The following TP63 variants were observed in gnomAD, a reference collection of about 807,000 sequenced individuals.
TP63 encodes tumor protein p63, also known as tumor protein 63.
In TP63, 17 loss-of-function variants were observed where a neutral mutation model predicts 82.8. The observed-to-expected ratio is 0.21, with a 90% CI of 0.14 to 0.31. TP63 has a LOEUF of 0.31. Ranked by LOEUF, TP63 falls within the 10% of genes least tolerant of loss-of-function variation. TP63 has a pLI of 1.00. For synonymous variants in TP63, 330 were observed against 321.7 expected (o/e 1.03, Z -0.28); for missense variants, 648 against 895.3 (o/e 0.72, Z 3.52).
intron 3 of TP63, among the ~76,000 whole-genome samples, chr3:189,788,992 G>A (rs577817289): frequency 2.7e-5 from 4 of 150,566 alleles, no homozygotes; most frequent in African/African-American, 4.9e-5. Context: ...CCTATTTCCC[G>A]TACATAATAT....
upstream of TP63, among the ~76,000 whole-genome samples, chr3:189,627,561 T>A (rs1560069327): frequency 6.6e-6 from 1 of 152,166 alleles, no homozygotes; most frequent in East Asian, 1.9e-4. Context: ...GAATAAAAAT[T>A]TAGCTCTTCA....
chr3:189,679,460 C>A (rs1393142359), intron 1 of TP63, among the ~76,000 whole-genome samples: 1 of 151,958 alleles, frequency 6.6e-6, no homozygotes. Flanking sequence ...AGGTTCTTTG[C>A]CCATTTTTAA....
At chr3:189,792,212 A>T (rs1230888311) in intron 3 of TP63, among the ~76,000 whole-genome samples, 1 of 151,916 alleles carries the variant, frequency 6.6e-6, no homozygotes, top group Admixed American at 6.6e-5. Flanking sequence ...AATGGTCCGG[A>T]AGGGAGGAGA....
chr3:189,598,652 A>G, the TP63 span, among the ~76,000 whole-genome samples: 3 of 152,228 alleles, frequency 2.0e-5, no homozygotes, highest in Admixed American at 2.0e-4. Context: ...GAAGTAAACC[A>G]CTATCTCCAG....
chr3:189,826,682 G>T (rs2108687846), intron 4 of TP63, among the ~76,000 whole-genome samples: 1 of 152,228 alleles, frequency 6.6e-6, no homozygotes, highest in South Asian at 2.1e-4. Context: ...ATAAGCTTCA[G>T]AATTACTAAC....
chr3:189,599,313 A>G, the TP63 span, among the ~76,000 whole-genome samples: 3 of 152,114 alleles, frequency 2.0e-5, no homozygotes, highest in Admixed American at 6.5e-5. Flanking sequence ...CTTGTATTCA[A>G]CTGGGCCTGG....
chr3:189,613,100 AGG>A, the TP63 span, among the ~76,000 whole-genome samples: 2 of 152,252 alleles, frequency 1.3e-5, no homozygotes, highest in African/African-American at 4.8e-5. Flanking sequence ...TTAAGTAGCA[AGG>A]AACCTAATGT....
chr3:189,857,463 A>T (rs1231819751), intron 4 of TP63, among the ~76,000 whole-genome samples: 1 of 152,164 alleles, frequency 6.6e-6, no homozygotes, highest in Non-Finnish European at 1.5e-5. Flanking sequence ...TCAGGCCAAG[A>T]TTTCTTAGGA....
At chr3:189,660,546 C>A (rs769986070) in intron 1 of TP63, among the ~76,000 whole-genome samples, 1 of 151,996 alleles carries the variant, frequency 6.6e-6, no homozygotes, top group Non-Finnish European at 1.5e-5. Flanking sequence ...AATTTTCAGG[C>A]TCTTTTTTTG....
intron 4 of TP63, among the ~76,000 whole-genome samples, chr3:189,837,425 A>G (rs961699557): frequency 2.0e-5 from 3 of 152,170 alleles, no homozygotes; most frequent in Admixed American, 6.5e-5. Context: ...TGAAATTTCC[A>G]ATTTCAGGTT....
intron 1 of TP63, among the ~76,000 whole-genome samples, chr3:189,692,361 TTA>T (rs1189300069): frequency 6.6e-6 from 1 of 152,008 alleles, no homozygotes; most frequent in African/African-American, 2.4e-5. Flanking sequence ...CATCCCTTCT[TTA>T]TTTCTTTTAC....
intron 4 of TP63, among the ~76,000 whole-genome samples, chr3:189,809,354 C>A (rs1190694526): frequency 1.3e-5 from 2 of 152,054 alleles, no homozygotes; most frequent in Non-Finnish European, 2.9e-5. Context: ...ATGGAATTTT[C>A]TTTTTCATAA....
chr3:189,772,303 T>C (rs1233792893), intron 3 of TP63, among the ~76,000 whole-genome samples: 1 of 152,246 alleles, frequency 6.6e-6, no homozygotes, highest in Non-Finnish European at 1.5e-5. Flanking sequence ...ATAAGGACAC[T>C]GAAGCTCCTA....
intron 1 of TP63, among the ~76,000 whole-genome samples, chr3:189,693,561 TA>T (rs954832646): frequency 3.3e-5 from 5 of 152,112 alleles, no homozygotes; most frequent in Non-Finnish European, 7.4e-5. Context: ...CTTCGTATAC[TA>T]AAAAAAGGAG....
intron 4 of TP63, among the ~76,000 whole-genome samples, chr3:189,815,369 A>C (rs1455165893): frequency 3.3e-5 from 5 of 152,148 alleles, no homozygotes; most frequent in African/African-American, 4.8e-5. Flanking sequence ...GGAGTCAGGG[A>C]GGTAGCATAA....
chr3:189,761,660 G>T (rs890640796), intron 3 of TP63, among the ~76,000 whole-genome samples: 2 of 152,102 alleles, frequency 1.3e-5, no homozygotes, highest in Non-Finnish European at 2.9e-5. Flanking sequence ...TTCCAAAGTT[G>T]CTTCCACGTT....
chr3:189,891,613 G>C (rs76286570), intron 13 of TP63, among the ~76,000 whole-genome samples: 1 of 151,956 alleles, frequency 6.6e-6, no homozygotes, highest in African/African-American at 2.4e-5. Context: ...TAAAATATTG[G>C]GTTCAAATTA....
At chr3:189,798,187 A>T (rs1018386557) in intron 3 of TP63, among the ~76,000 whole-genome samples, 1 of 152,082 alleles carries the variant, frequency 6.6e-6, no homozygotes, top group African/African-American at 2.4e-5. Flanking sequence ...GGTGTATTGT[A>T]TATACTTAAA....
At chr3:189,755,546 A>G (rs545164965) in intron 3 of TP63, among the ~76,000 whole-genome samples, 1 of 152,126 alleles carries the variant, frequency 6.6e-6, no homozygotes. Flanking sequence ...CTCATTATGT[A>G]TTATATTTTA....
Sources: gnomAD v4.1 joint callset for allele counts (sites outside exome capture counted in the v4.1 genomes callset) on GRCh38, gnomAD v4.1.1 for gene constraint, MANE v1.5 for transcripts, NCBI Gene and HGNC (gene_info 2026-07-23, HGNC 2026-07-21) for gene names.